TG: variants seen among roughly 807,000 people sequenced by gnomAD.
TG encodes thyroid hormones.
TG carries 270 observed loss-of-function variants against 324.7 expected under a neutral mutation model. That is an observed-to-expected ratio of 0.83 (90% CI 0.75 to 0.92). The LOEUF (loss-of-function observed/expected upper bound fraction) is 0.92. Among genes scored for constraint, TG ranks in the 40% least tolerant of loss-of-function variants. The pLI, the probability that TG is intolerant of heterozygous loss-of-function variation, is 0.00. For missense variants in TG, 3,591 were observed against 3,456.4 expected (o/e 1.04, Z -0.98); for synonymous variants, 1,401 against 1,327.0 (o/e 1.06, Z -1.21).
chr8:132,896,307 A>G (rs929155141), intron 11 of TG, among the ~76,000 whole-genome samples: 1 of 152,190 alleles, frequency 6.6e-6, no homozygotes, highest in African/African-American at 2.4e-5. Context: ...AACGCTGTCC[A>G]CTGTATGGGG....
rs781451497 is a variant in TG at position 132,893,683 on chromosome 8, C to T, written c.2762-7C>T. The T allele has an allele frequency of 1.9e-6, 3 of 1,613,378 alleles. No homozygotes were observed. In the Admixed American group the frequency reaches 5.0e-5, roughly 27 times the overall value. Reference sequence around the variant, plus strand: ...TGAGTCCATCTGTGTTATTTTTATTCCCCTAGGTCCTGGCTCCTGTGAGGA... The same window carrying T: ...TGAGTCCATCTGTGTTATTTTTATTTCCCTAGGTCCTGGCTCCTGTGAGGA... On this transcript the variant is annotated splice_polypyrimidine_tract_variant and splice_region_variant and intron_variant, in intron 10 of 47. Transcript: ENST00000220616.
At chr8:133,073,696 A>T (rs1276528725) in intron 41 of TG, among the ~76,000 whole-genome samples, 1 of 152,146 alleles carries the variant, frequency 6.6e-6, no homozygotes, top group Non-Finnish European at 1.5e-5. Context: ...TTTAAAGACT[A>T]TGGGGTGCAT....
At chr8:132,993,941 C>T (rs566392976) in intron 35 of TG, among the ~76,000 whole-genome samples, 4 of 152,308 alleles carry the variant, frequency 2.6e-5, no homozygotes, top group African/African-American at 7.2e-5. Context: ...ATCCTTCAGC[C>T]TAGAATCAGT....
At chr8:132,873,302 T>G (rs915097805) in intron 5 of TG, 81 bp downstream of exon 5, 1 of 1,546,734 alleles carries the variant, frequency 6.5e-7, no homozygotes, top group East Asian at 2.3e-5. Flanking sequence ...GGCCTCCATG[T>G]GTCATATGTG....
intron 40 of TG, among the ~76,000 whole-genome samples, chr8:133,029,542 A>C (rs1456516717): frequency 6.6e-6 from 1 of 152,180 alleles, no homozygotes; most frequent in Non-Finnish European, 1.5e-5. Context: ...GAGAGTTGTA[A>C]GGACATGATC....
At chr8:133,002,366 A>T in intron 35 of TG, 1 of 985,476 alleles carries the variant, frequency 1.0e-6, no homozygotes, top group Non-Finnish European at 1.2e-6. Context: ...AACCAGTACA[A>T]ATATTTCATA....
intron 35 of TG, among the ~76,000 whole-genome samples, chr8:133,003,468 A>G (rs1446823078): frequency 6.6e-6 from 1 of 151,804 alleles, no homozygotes; most frequent in African/African-American, 2.4e-5. Flanking sequence ...TAGTTTCGAA[A>G]TGTGCCATAT....
intron 35 of TG, among the ~76,000 whole-genome samples, chr8:132,987,345 TA>T (rs1464765385): frequency 6.6e-6 from 1 of 151,340 alleles, no homozygotes; most frequent in African/African-American, 2.4e-5. Context: ...GGTTCTGACA[TA>T]GATTGTGAGG....
chr8:132,949,065 A>C (rs890195672), intron 27 of TG, 122 bp downstream of exon 27: 6 of 939,818 alleles, frequency 6.4e-6, no homozygotes, highest in South Asian at 1.5e-5. Flanking sequence ...AAAAAAAAAA[A>C]AAAACTTTAC....
chr8:133,024,323 T>C (rs919418115), intron 40 of TG, among the ~76,000 whole-genome samples: 6 of 67,556 alleles, frequency 8.9e-5, no homozygotes, highest in Admixed American at 6.9e-4. Context: ...TCTTTCTTTC[T>C]TTCTTTCTTT....
chr8:132,987,642 G>A (rs1831729450), intron 35 of TG, among the ~76,000 whole-genome samples: 1 of 152,026 alleles, frequency 6.6e-6, no homozygotes, highest in Non-Finnish European at 1.5e-5. Flanking sequence ...AAACAGGTTA[G>A]CAAAGATGAG....
intron 45 of TG, among the ~76,000 whole-genome samples, chr8:133,126,889 G>C (rs1474248983): frequency 4.6e-5 from 7 of 152,258 alleles, no homozygotes; most frequent in African/African-American, 1.7e-4. Flanking sequence ...AGGAAGCTAT[G>C]GAGAAAGATG....
chr8:133,084,508 C>T (rs759352204), intron 41 of TG, among the ~76,000 whole-genome samples: 17 of 152,160 alleles, frequency 1.1e-4, no homozygotes, highest in Non-Finnish European at 2.5e-4. Context: ...TAAAGTGTGA[C>T]ACCTTTGCCT....
At chr8:133,048,501 G>T (rs896070603) in intron 41 of TG, 1 of 155,480 alleles carries the variant, frequency 6.4e-6, no homozygotes, top group African/African-American at 2.4e-5. Context: ...GATTACAGGC[G>T]TGAGCTACCG....
At chr8:132,920,976 C>T (rs1028538532) in intron 21 of TG, among the ~76,000 whole-genome samples, 2 of 152,202 alleles carry the variant, frequency 1.3e-5, no homozygotes, top group Non-Finnish European at 2.9e-5. Context: ...GGTCAGTGTG[C>T]CCACATGATT....
In TG at chr8:132,886,782, C is replaced by T; in HGVS notation, c.1410C>T (p.Asn470=). 5.0e-6 allele frequency: 8 copies of T among 1,614,162 alleles called. No homozygotes were observed. The highest frequency in any genetic ancestry group is 6.8e-6 in the Non-Finnish European group (8 of 1,180,038). ...FTTNPKRLQQ[N]LFGGKFLVNV... is the part of the protein sequence containing the mutation. ...CCAACCCAAAGAGACTCCAGCAAAA[C>T]CTTTTTGGAGGGAAATTTTTGGTGA... The change falls in exon 9 of 48, where the codon AAC becomes AAT. Residue 470 remains asparagine (N), a synonymous_variant. Coordinates refer to ENST00000220616, the MANE Select transcript of TG (RefSeq NM_003235.5).
rs780538772 is a variant in TG, at chr8:132,897,745, C to T, written c.3098C>T (p.Ala1033Val). ...GGCCCCTACATGCCACAGTGTGATG[C>T]GTTTGGAAGTTGGGAGCCTGTGCAG... ...RSGPYMPQCD[A>V]FGSWEPVQCH... is the part of the protein sequence containing the mutation. The change falls in exon 12 of 48, where the codon GCG (alanine) becomes GTG (valine). Residue 1033 changes from alanine to valine, a missense_variant. Transcript: ENST00000220616. 5.9e-5 allele frequency: 96 copies of T among 1,614,078 alleles called. No homozygotes were observed. The highest frequency in any genetic ancestry group is 5.5e-5 in the Non-Finnish European group (65 of 1,180,044).
At chr8:132,893,598 A>G (rs200471782) in intron 10 of TG, 92 bp from the exon 11 acceptor site, 1 of 1,534,632 alleles carries the variant, frequency 6.5e-7, no homozygotes, top group Non-Finnish European at 8.9e-7. Context: ...TGTGGTGTGT[A>G]TGTGTGTGCG....
chr8:133,125,491 G>T (rs1056767757), intron 45 of TG, among the ~76,000 whole-genome samples: 3 of 152,218 alleles, frequency 2.0e-5, no homozygotes, highest in Admixed American at 2.0e-4. Flanking sequence ...GATAAAGAAG[G>T]CCAGGGAACT....
Sources: allele counts gnomAD v4.1 joint callset (sites outside exome capture counted in the v4.1 genomes callset), GRCh38; gene constraint gnomAD v4.1.1; transcripts MANE v1.5; gene names NCBI Gene and HGNC (gene_info 2026-07-23, HGNC 2026-07-21).